Variants in SORCS1 observed in about 807,000 individuals in gnomAD.
SORCS1 encodes sortilin related VPS10 domain containing receptor 1.
SORCS1 carries 60 observed loss-of-function variants against 146.1 expected under a neutral mutation model. That is an observed-to-expected ratio of 0.41 (90% CI 0.33 to 0.51). SORCS1 has a LOEUF of 0.51. Among genes scored for constraint, SORCS1 ranks in the 20% least tolerant of loss-of-function variants. The pLI is 0.21. For synonymous variants in SORCS1, 637 were observed against 584.0 expected (o/e 1.09, Z -1.31); for missense variants, 1,352 against 1,487.6 (o/e 0.91, Z 1.50).
At chr10:106,682,645 T>C (rs1472374279) in intron 10 of SORCS1, among the ~76,000 whole-genome samples, 1 of 152,230 alleles carries the variant, frequency 6.6e-6, no homozygotes, top group Non-Finnish European at 1.5e-5. Context: ...CCAGTCCTTA[T>C]GCACATTTTG....
chr10:107,149,387 C>T (rs1422285347), intron 1 of SORCS1, among the ~76,000 whole-genome samples: 1 of 151,800 alleles, frequency 6.6e-6, no homozygotes, highest in Non-Finnish European at 1.5e-5. Flanking sequence ...AAAAAAAAAT[C>T]GCGCTTTAAT....
chr10:107,099,755 A>G (rs1046019864), intron 1 of SORCS1, among the ~76,000 whole-genome samples: 1 of 152,212 alleles, frequency 6.6e-6, no homozygotes, highest in Non-Finnish European at 1.5e-5. Flanking sequence ...ACTAAAAGTG[A>G]TCTAGATTCA....
At chr10:107,178,751 G>A in the SORCS1 span, among the ~76,000 whole-genome samples, 148 of 152,212 alleles carry the variant, frequency 9.7e-4, no homozygotes, top group African/African-American at 3.2e-3. Context: ...GCCTCCCAAA[G>A]TGCTGGGATT....
chr10:106,701,550 T>C (rs2135760826), intron 8 of SORCS1, among the ~76,000 whole-genome samples: 1 of 152,292 alleles, frequency 6.6e-6, no homozygotes, highest in Middle Eastern at 3.4e-3. Context: ...AGATATATCT[T>C]GGAGGTAAAG....
Position 107,074,297 on chromosome 10 carries a change from G to T in SORCS1, c.558+89672C>A, listed in dbSNP as rs150185350. On this transcript the variant is annotated intron_variant, in intron 1 of 25. Transcript: ENST00000263054. ...ATACATATTTGGAATCACGCATTATGCAGCCTTTTCAGATTGGCTTTTTTC... is the reference window on the plus strand; with the variant it reads ...ATACATATTTGGAATCACGCATTATTCAGCCTTTTCAGATTGGCTTTTTTC... Among the ~76,000 whole-genome samples, 367 of 152,196 alleles carry T rather than the reference G, an allele frequency of 2.4e-3. 2 individuals are homozygous for T. Among genetic ancestry groups the T allele is most frequent in the South Asian group, 0.011 (52 of 4,830 alleles).
At chr10:107,068,572 G>C (rs192707164) in intron 1 of SORCS1, among the ~76,000 whole-genome samples, 9 of 152,172 alleles carry the variant, frequency 5.9e-5, no homozygotes, top group Admixed American at 5.9e-4. Context: ...ATTTCAGAAA[G>C]CTCACCATGA....
At chr10:106,999,831 G>T (rs1472242193) in intron 1 of SORCS1, among the ~76,000 whole-genome samples, 1 of 152,156 alleles carries the variant, frequency 6.6e-6, no homozygotes, top group Non-Finnish European at 1.5e-5. Context: ...AGGATAAGGG[G>T]AAATTTTATT....
chr10:106,599,933 G>C (rs937309919), intron 23 of SORCS1, among the ~76,000 whole-genome samples: 2 of 151,894 alleles, frequency 1.3e-5, no homozygotes, highest in Non-Finnish European at 2.9e-5. Context: ...CACCACATCC[G>C]GCTATTTTGT....
intron 1 of SORCS1, among the ~76,000 whole-genome samples, chr10:106,988,676 T>C (rs1466113320): frequency 2.0e-5 from 3 of 152,048 alleles, no homozygotes; most frequent in African/African-American, 2.4e-5. Context: ...GTAGGAAAAA[T>C]GCATTAATAT....
At chr10:107,097,554 T>C (rs2134354680) in intron 1 of SORCS1, among the ~76,000 whole-genome samples, 1 of 152,286 alleles carries the variant, frequency 6.6e-6, no homozygotes, top group South Asian at 2.1e-4. Flanking sequence ...CCAAAGTCTT[T>C]ATACTCTATC....
At chr10:106,860,802 G>A (rs1266706413) in intron 2 of SORCS1, among the ~76,000 whole-genome samples, 1 of 152,164 alleles carries the variant, frequency 6.6e-6, no homozygotes, top group Non-Finnish European at 1.5e-5. Flanking sequence ...ACGAACCACT[G>A]CTGTTTGTAA....
chr10:106,797,800 C>G (rs1946646139), intron 3 of SORCS1, among the ~76,000 whole-genome samples: 2 of 152,112 alleles, frequency 1.3e-5, no homozygotes, highest in African/African-American at 4.8e-5. Flanking sequence ...ATTGTGCAGT[C>G]CAGGTACCCA....
At chr10:106,905,168 A>T (rs954939239) in intron 2 of SORCS1, among the ~76,000 whole-genome samples, 1 of 152,148 alleles carries the variant, frequency 6.6e-6, no homozygotes, top group Non-Finnish European at 1.5e-5. Flanking sequence ...GAGAAGGAAA[A>T]ATAAAAGAAA....
intron 1 of SORCS1, among the ~76,000 whole-genome samples, chr10:107,136,232 A>T (rs1967287568): frequency 6.6e-6 from 1 of 152,220 alleles, no homozygotes; most frequent in African/African-American, 2.4e-5. Flanking sequence ...TTCACCAAAG[A>T]CTTTTCACAG....
At chr10:106,800,178 C>G (rs1946793132) in intron 3 of SORCS1, among the ~76,000 whole-genome samples, 2 of 152,214 alleles carry the variant, frequency 1.3e-5, no homozygotes, top group South Asian at 4.2e-4. Context: ...GTGATACCTT[C>G]TAACACTAGC....
chr10:107,152,491 C>A (rs1968896098), intron 1 of SORCS1, among the ~76,000 whole-genome samples: 1 of 152,158 alleles, frequency 6.6e-6, no homozygotes, highest in African/African-American at 2.4e-5. Flanking sequence ...TGTAAGCAGC[C>A]TGGATGGGGA....
intron 4 of SORCS1, among the ~76,000 whole-genome samples, chr10:106,775,909 A>G (rs965532528): frequency 6.6e-6 from 1 of 152,210 alleles, no homozygotes; most frequent in Non-Finnish European, 1.5e-5. Context: ...TACATAATAT[A>G]TATTATAGGA....
intron 1 of SORCS1, among the ~76,000 whole-genome samples, chr10:107,145,186 T>G (rs1241372511): frequency 1.3e-5 from 2 of 152,070 alleles, no homozygotes; most frequent in African/African-American, 4.8e-5. Flanking sequence ...TAAAGCAGAG[T>G]GTTTGGTAGG....
chr10:107,071,463 C>T (rs561822538), intron 1 of SORCS1, among the ~76,000 whole-genome samples: 8 of 152,282 alleles, frequency 5.3e-5, no homozygotes, highest in East Asian at 1.9e-4. Flanking sequence ...TGAACCTCTT[C>T]GAGGACACCT....
Sources: gnomAD v4.1 joint callset for allele counts (sites outside exome capture counted in the v4.1 genomes callset) on GRCh38, gnomAD v4.1.1 for gene constraint, MANE v1.5 for transcripts, NCBI Gene and HGNC (gene_info 2026-07-23, HGNC 2026-07-21) for gene names.